The following NEK7 variants were observed in gnomAD, a reference collection of about 807,000 sequenced individuals.
NEK7 encodes NIMA related kinase 7, also known as serine/threonine-protein kinase Nek7.
A neutral mutation model predicts 44.6 loss-of-function variants in NEK7; 18 were observed. The ratio of observed to expected loss-of-function variants is 0.40; its 90% CI spans 0.28 to 0.60. The LOEUF is 0.60. Among genes scored for constraint, NEK7 ranks in the 20% least tolerant of loss-of-function variants. The pLI is 0.38. For missense variants in NEK7, 256 were observed against 366.5 expected (o/e 0.70, Z 2.46); for synonymous variants, 130 against 121.1 (o/e 1.07, Z -0.48).
At chr1:198,288,394 A>AC (rs1259072512) in intron 7 of NEK7, among the ~76,000 whole-genome samples, 1 of 152,126 alleles carries the variant, frequency 6.6e-6, no homozygotes, top group East Asian at 1.9e-4. Context: ...TTGAACCTGG[A>AC]CCCTTATTCC....
At chr1:198,201,085 G>T (rs1215877363) in intron 1 of NEK7, among the ~76,000 whole-genome samples, 5 of 152,102 alleles carry the variant, frequency 3.3e-5, no homozygotes, top group Admixed American at 6.5e-5. Context: ...AATGTGTGGA[G>T]TATATTTTCA....
intron 5 of NEK7, among the ~76,000 whole-genome samples, chr1:198,272,870 A>C (rs1046917733): frequency 6.6e-6 from 1 of 151,732 alleles, no homozygotes. Flanking sequence ...TCAGGAGGCA[A>C]CTGTTTTGGG....
chr1:198,252,535 T>TATAA (rs1553253590), intron 2 of NEK7, among the ~76,000 whole-genome samples: 1 of 55,654 alleles, frequency 1.8e-5, no homozygotes, highest in African/African-American at 1.2e-4. Flanking sequence ...ATACTATATA[T>TATAA]ATATATATAT....
intron 1 of NEK7, among the ~76,000 whole-genome samples, chr1:198,198,565 G>T (rs1247284132): frequency 2.0e-5 from 3 of 152,208 alleles, no homozygotes; most frequent in Non-Finnish European, 4.4e-5. Flanking sequence ...TCCCAGACAG[G>T]ATCCTGTGCT....
intron 1 of NEK7, among the ~76,000 whole-genome samples, chr1:198,224,323 A>G (rs550482601): frequency 2.6e-5 from 4 of 152,296 alleles, no homozygotes; most frequent in African/African-American, 7.2e-5. Context: ...CGAGTTGTCC[A>G]TAGTATTCAG....
At chr1:198,255,891 T>C (rs1653245966) in intron 3 of NEK7, among the ~76,000 whole-genome samples, 1 of 152,184 alleles carries the variant, frequency 6.6e-6, no homozygotes, top group South Asian at 2.1e-4. Flanking sequence ...TTGTGACATA[T>C]TACACTTGTG....
At chr1:198,189,302 G>A (rs1665008326) in intron 1 of NEK7, among the ~76,000 whole-genome samples, 1 of 152,104 alleles carries the variant, frequency 6.6e-6, no homozygotes. Context: ...TGTATGAACT[G>A]ACATCTTACA....
At chr1:198,187,610 G>A (rs1664959599) in intron 1 of NEK7, among the ~76,000 whole-genome samples, 1 of 152,170 alleles carries the variant, frequency 6.6e-6, no homozygotes, top group Non-Finnish European at 1.5e-5. Flanking sequence ...ATTAGTTTGT[G>A]CAGTTGATTC....
In NEK7 at chr1:198,262,607, TG is replaced by T; in HGVS notation, c.232del (p.Asp78IlefsTer6). The part of the protein sequence containing the change: ...FDLMDAKARA[D>X]CIKEIDLLKQ... ...ATTTAATGGATGCCAAAGCACGTGCTGATTGCATCAAAGAAATAGATCTTCT... is the reference window on the plus strand; with the variant it reads ...ATTTAATGGATGCCAAAGCACGTGCTATTGCATCAAAGAAATAGATCTTCT... On this transcript the variant is annotated frameshift_variant, in exon 4 of 10. Coordinates refer to ENST00000367385, the MANE Select transcript of NEK7 (RefSeq NM_133494.3). LOFTEE classifies it high-confidence loss of function. The T allele has an allele frequency of 6.3e-7, 1 of 1,596,382 alleles. No individual in the cohort carries two copies. The highest frequency in any genetic ancestry group is 8.6e-7 in the Non-Finnish European group (1 of 1,168,166).
chr1:198,227,084 G>T (rs1281455420), intron 1 of NEK7, among the ~76,000 whole-genome samples: 4 of 151,706 alleles, frequency 2.6e-5, no homozygotes, highest in Non-Finnish European at 4.4e-5. Context: ...TGTTCTCATT[G>T]TTCAATTCCC....
chr1:198,210,426 A>G (rs977239608), intron 1 of NEK7, among the ~76,000 whole-genome samples: 1 of 152,056 alleles, frequency 6.6e-6, no homozygotes, highest in East Asian at 1.9e-4. Flanking sequence ...GTTCTATTTT[A>G]TGTATTTGCT....
intron 1 of NEK7, among the ~76,000 whole-genome samples, chr1:198,201,360 TG>T (rs199528446): frequency 1.3e-5 from 2 of 152,182 alleles, no homozygotes; most frequent in African/African-American, 2.4e-5. Flanking sequence ...GAGTATATAG[TG>T]GTTTTTTTTA....
At chr1:198,264,272 G>T (rs532165923) in intron 5 of NEK7, 37 bp downstream of exon 5, 9 of 1,417,222 alleles carry the variant, frequency 6.4e-6, no homozygotes, top group Admixed American at 4.0e-5. Context: ...GTTTTGTTTT[G>T]TTTTTTTTTC....
intron 9 of NEK7, among the ~76,000 whole-genome samples, chr1:198,316,570 T>A (rs1389051632): frequency 6.6e-6 from 1 of 152,226 alleles, no homozygotes; most frequent in Non-Finnish European, 1.5e-5. Context: ...CTCACAGATA[T>A]CTCTTGAGAT....
intron 1 of NEK7, among the ~76,000 whole-genome samples, chr1:198,171,918 C>T (rs1343084389): frequency 1.3e-5 from 2 of 152,190 alleles, no homozygotes; most frequent in African/African-American, 4.8e-5. Context: ...TCCTGACATC[C>T]TTCCTGTGAA....
At chr1:198,309,456 T>A (rs910244095) in intron 9 of NEK7, among the ~76,000 whole-genome samples, 1 of 152,112 alleles carries the variant, frequency 6.6e-6, no homozygotes, top group Non-Finnish European at 1.5e-5. Flanking sequence ...TTTTTTTTAT[T>A]ATTATTATAC....
chr1:198,216,993 A>T (rs955006391), intron 1 of NEK7, among the ~76,000 whole-genome samples: 2 of 152,070 alleles, frequency 1.3e-5, no homozygotes. Flanking sequence ...GCCCAGGGCC[A>T]CATAGATTCA....
chr1:198,267,925 A>T (rs1010812554), intron 5 of NEK7, among the ~76,000 whole-genome samples: 2 of 151,714 alleles, frequency 1.3e-5, no homozygotes, highest in African/African-American at 2.4e-5. Context: ...GACCTCTCTC[A>T]TGAAACCAGA....
At position 198,319,621 on chromosome 1, in the gene NEK7, A is replaced by T; in HGVS notation, c.*99A>T. The T allele has an allele frequency of 7.4e-7, 1 of 1,348,410 alleles. No homozygotes were observed. The highest frequency in any genetic ancestry group is 9.6e-7 in the Non-Finnish European group (1 of 1,038,798). 83.5% of individuals were successfully genotyped at this position (1,348,410 alleles called of 1,614,324 possible). A position where few individuals can be genotyped will look rare whatever the true frequency, so the allele number is the denominator to read the frequency against. On this transcript the variant is annotated 3_prime_UTR_variant, in exon 10 of 10. Transcript: ENST00000367385. ...TCTGGTGTTAAGATTAATATTTCAG[A>T]GCTAGTGTGCTTTGAATCCTTAACC...
Sources: allele counts gnomAD v4.1 joint callset (sites outside exome capture counted in the v4.1 genomes callset), GRCh38; gene constraint gnomAD v4.1.1; transcripts MANE v1.5; gene names NCBI Gene and HGNC (gene_info 2026-07-23, HGNC 2026-07-21).